Variants in NBEAL1 observed in about 807,000 individuals in gnomAD.
The protein encoded by NBEAL1 is neurobeachin like 1.
A neutral mutation model predicts 351.3 loss-of-function variants in NBEAL1; 273 were observed. The ratio of observed to expected loss-of-function variants is 0.78; its 90% CI spans 0.70 to 0.86. The LOEUF (loss-of-function observed/expected upper bound fraction) is 0.86. Among genes scored for constraint, NBEAL1 ranks in the 40% least tolerant of loss-of-function variants. The pLI, the probability that NBEAL1 is intolerant of heterozygous loss-of-function variation, is 0.00. For synonymous variants in NBEAL1, 1,050 were observed against 1,086.4 expected (o/e 0.97, Z 0.66); for missense variants, 2,961 against 3,201.3 (o/e 0.92, Z 1.81).
chr2:203,190,740 G>A (rs1207820365), intron 46 of NBEAL1: 24 of 1,604,488 alleles, frequency 1.5e-5, no homozygotes, highest in South Asian at 3.3e-5. Context: ...TTCTTCGGTC[G>A]TCCCGAATCC....
intron 6 of NBEAL1, among the ~76,000 whole-genome samples, chr2:203,064,987 G>A (rs1484121): frequency 0.082 from 12,546 of 152,262 alleles, 729 homozygotes; most frequent in Non-Finnish European, 0.11. Flanking sequence ...GCCCTGCACA[G>A]TGGCTCATGC....
intron 6 of NBEAL1, among the ~76,000 whole-genome samples, chr2:203,065,611 G>C (rs192912452): frequency 1.3e-5 from 2 of 152,136 alleles, no homozygotes; most frequent in Non-Finnish European, 2.9e-5. Context: ...AATTAGCCAG[G>C]TGTGGTGGCG....
intron 27 of NBEAL1, among the ~76,000 whole-genome samples, chr2:203,134,292 A>ATATAAAATAAGTCATATTT (rs2063147618): frequency 6.6e-6 from 1 of 152,156 alleles, no homozygotes; most frequent in African/African-American, 2.4e-5. Flanking sequence ...TATAAAATAG[A>ATATAAAATAAGTCATATTT]TATAAAATAA....
At chr2:203,019,654 A>G (rs891563961) in intron 2 of NBEAL1, among the ~76,000 whole-genome samples, 2 of 152,202 alleles carry the variant, frequency 1.3e-5, no homozygotes, top group Admixed American at 1.3e-4. Flanking sequence ...CAGTGTATTA[A>G]CAATAGGTCA....
At chr2:203,088,811 C>A (rs1057217111) in intron 10 of NBEAL1, among the ~76,000 whole-genome samples, 2 of 152,164 alleles carry the variant, frequency 1.3e-5, no homozygotes, top group African/African-American at 4.8e-5. Context: ...TGAATCACAT[C>A]AAGAAAAGGT....
intron 18 of NBEAL1, among the ~76,000 whole-genome samples, chr2:203,116,748 C>T (rs1388348596): frequency 6.7e-6 from 1 of 149,240 alleles, no homozygotes; most frequent in African/African-American, 2.5e-5. Context: ...TGTGATTGCA[C>T]CATTACGCTC....
intron 2 of NBEAL1, among the ~76,000 whole-genome samples, chr2:203,021,747 G>T (rs1371065240): frequency 6.6e-6 from 1 of 151,950 alleles, no homozygotes; most frequent in Non-Finnish European, 1.5e-5. Context: ...ACTCATATGT[G>T]TGTAGAAAAA....
chr2:203,084,111 A>G (rs2061922629), intron 9 of NBEAL1, among the ~76,000 whole-genome samples: 1 of 151,680 alleles, frequency 6.6e-6, no homozygotes. Flanking sequence ...TCACCAATAT[A>G]TTATGATTTC....
chr2:203,180,376 A>C lies in NBEAL1; in HGVS notation c.6465-6A>C. 4 of 1,594,710 alleles carry C rather than the reference A, an allele frequency of 2.5e-6. No homozygotes were observed. The highest frequency in any genetic ancestry group is 3.4e-6 in the Non-Finnish European group (4 of 1,175,062). Reference sequence around the variant, plus strand: ...TATTTACTTCTCTTTTAATTTCTACATGCAGGTTTGACTGTGCAGATCGAC... The same window carrying C: ...TATTTACTTCTCTTTTAATTTCTACCTGCAGGTTTGACTGTGCAGATCGAC... On this transcript the variant is annotated splice_region_variant and splice_polypyrimidine_tract_variant and intron_variant, in intron 42 of 55. Coordinates refer to ENST00000683969, the MANE Select transcript of NBEAL1 (RefSeq NM_001378026.1).
At chr2:203,110,674 AAAAT>A (rs67437997) in intron 15 of NBEAL1, among the ~76,000 whole-genome samples, 5,549 of 130,818 alleles carry the variant, frequency 0.042, 315 homozygotes, top group African/African-American at 0.13. Flanking sequence ...ATCCTGTCTC[AAAAT>A]AAATAAATAA....
intron 18 of NBEAL1, among the ~76,000 whole-genome samples, chr2:203,120,399 C>T (rs764352820): frequency 2.6e-5 from 4 of 152,078 alleles, no homozygotes; most frequent in South Asian, 2.1e-4. Context: ...GAATAATGTA[C>T]GGAATAATGT....
At position 203,224,760 on chromosome 2, in the gene NBEAL1, T is replaced by C. The variant is rs992939233; in HGVS notation, c.*7406T>C. Among the ~76,000 whole-genome samples, 11 of 152,192 alleles carry C rather than the reference T, an allele frequency of 7.2e-5. No homozygotes were observed. Among genetic ancestry groups the C allele is most frequent in the African/African-American group, 2.4e-4 (10 of 41,464 alleles). ...GAAAATATTATGCCTTATTTATATC[T>C]AATTATTGACTGTGCAAACTGTGAC... On this transcript the variant is annotated 3_prime_UTR_variant, in exon 56 of 56. Coordinates refer to ENST00000683969, the MANE Select transcript of NBEAL1 (RefSeq NM_001378026.1).
intron 2 of NBEAL1, among the ~76,000 whole-genome samples, chr2:203,036,964 T>C (rs777853497): frequency 6.7e-6 from 1 of 149,390 alleles, no homozygotes; most frequent in Non-Finnish European, 1.5e-5. Context: ...TGGAGTTCTA[T>C]CTTGAATGGA....
intron 18 of NBEAL1, among the ~76,000 whole-genome samples, chr2:203,119,424 C>CTTTTTTTTTTTTTTTTTTTTTTCTTTTTT (rs57126638): frequency 1.5e-5 from 1 of 66,656 alleles, no homozygotes; most frequent in Non-Finnish European, 2.6e-5. Context: ...CGGCCTGTTG[C>CTTTTTTTTTTTTTTTTTTTTTTCTTTTTT]TTTTTTTTTT....
At chr2:203,064,051 T>G (rs2061542168) in intron 6 of NBEAL1, among the ~76,000 whole-genome samples, 1 of 152,004 alleles carries the variant, frequency 6.6e-6, no homozygotes, top group Non-Finnish European at 1.5e-5. Context: ...TGTATGGTTT[T>G]TTTGTTTGTT....
chr2:203,156,676 GT>G (rs1267970213), intron 35 of NBEAL1, among the ~76,000 whole-genome samples: 54 of 152,292 alleles, frequency 3.5e-4, no homozygotes, highest in African/African-American at 1.3e-3. Flanking sequence ...GCAGCTGTAC[GT>G]TACGTTGATT....
intron 7 of NBEAL1, among the ~76,000 whole-genome samples, chr2:203,069,092 C>G (rs2061638984): frequency 6.6e-6 from 1 of 152,066 alleles, no homozygotes; most frequent in South Asian, 2.1e-4. Context: ...AGAGAGTTAG[C>G]CCCTATATAT....
chr2:203,188,651 T>G, intron 45 of NBEAL1, 62 bp downstream of exon 45: 1 of 882,010 alleles, frequency 1.1e-6, no homozygotes, highest in Non-Finnish European at 1.7e-6. Flanking sequence ...TTAATATATG[T>G]TTACAGTTAT....
intron 3 of NBEAL1, among the ~76,000 whole-genome samples, chr2:203,045,829 T>G (rs189536329): frequency 3.3e-4 from 51 of 152,332 alleles, no homozygotes; most frequent in Admixed American, 2.8e-3. Flanking sequence ...TTTAGGGAGC[T>G]CCATTCAGAT....
Sources: gnomAD v4.1 joint callset for allele counts (sites outside exome capture counted in the v4.1 genomes callset) on GRCh38, gnomAD v4.1.1 for gene constraint, MANE v1.5 for transcripts, NCBI Gene and HGNC (gene_info 2026-07-23, HGNC 2026-07-21) for gene names.